The following AIM2 variants were observed in gnomAD, a reference collection of about 807,000 sequenced individuals.
AIM2 encodes interferon-inducible protein AIM2.
AIM2 carries 30 observed loss-of-function variants against 27.7 expected under a neutral mutation model. That is an observed-to-expected ratio of 1.08 (90% CI 0.81 to 1.47). AIM2 has a LOEUF of 1.47. AIM2 is among the 40% of genes most tolerant of loss of function. The pLI is 0.00. For synonymous variants in AIM2, 141 were observed against 145.3 expected (o/e 0.97, Z 0.21); for missense variants, 358 against 411.3 (o/e 0.87, Z 1.12).
At chr1:159,115,653 C>T (rs1469153569) in intron 1 of AIM2, among the ~76,000 whole-genome samples, 1 of 152,128 alleles carries the variant, frequency 6.6e-6, no homozygotes, top group Non-Finnish European at 1.5e-5. Context: ...GAAACTGGAT[C>T]CCTTCCTTAT....
At chr1:159,136,457 T>C (rs1031977540) in intron 1 of AIM2, among the ~76,000 whole-genome samples, 2 of 152,184 alleles carry the variant, frequency 1.3e-5, no homozygotes, top group Non-Finnish European at 2.9e-5. Context: ...TTCATACAAG[T>C]AAATAGCGAG....
chr1:159,109,219 C>A (rs1032124071), intron 1 of AIM2, among the ~76,000 whole-genome samples: 2 of 152,068 alleles, frequency 1.3e-5, no homozygotes, highest in Non-Finnish European at 2.9e-5. Context: ...GCACATAGAG[C>A]AATGGAACAG....
At chr1:159,073,138 A>C in intron 2 of AIM2, 100 bp downstream of exon 2, 1 of 1,455,826 alleles carries the variant, frequency 6.9e-7, no homozygotes, top group Non-Finnish European at 9.4e-7. Flanking sequence ...AACAAATTCC[A>C]ACAATGTGCA....
chr1:159,121,624 AC>A (rs1174262200), intron 1 of AIM2, among the ~76,000 whole-genome samples: 1 of 152,156 alleles, frequency 6.6e-6, no homozygotes, highest in Non-Finnish European at 1.5e-5. Flanking sequence ...TTAGGTAGAA[AC>A]CACTCTCTGA....
intron 1 of AIM2, among the ~76,000 whole-genome samples, chr1:159,132,742 A>G (rs1647922263): frequency 6.6e-6 from 1 of 152,192 alleles, no homozygotes; most frequent in African/African-American, 2.4e-5. Flanking sequence ...GACACCTATT[A>G]ATATATGTAT....
At chr1:159,120,928 A>G (rs1453228445) in intron 1 of AIM2, among the ~76,000 whole-genome samples, 2 of 152,214 alleles carry the variant, frequency 1.3e-5, no homozygotes, top group Non-Finnish European at 2.9e-5. Flanking sequence ...CTAGTCCAAT[A>G]ATTTGCTTCT....
chr1:159,080,829 G>A (rs1218789637), upstream of AIM2, among the ~76,000 whole-genome samples: 1 of 152,012 alleles, frequency 6.6e-6, no homozygotes, highest in East Asian at 1.9e-4. Flanking sequence ...TAAATCTTCA[G>A]ACTCTTGAAA....
upstream of AIM2, among the ~76,000 whole-genome samples, chr1:159,141,105 G>A (rs1217582507): frequency 1.3e-5 from 2 of 152,136 alleles, no homozygotes; most frequent in Non-Finnish European, 2.9e-5. Flanking sequence ...ATGAAAAAGT[G>A]TAGCTGACAG....
chr1:159,137,025 T>G (rs760496073), intron 1 of AIM2, among the ~76,000 whole-genome samples: 6 of 152,206 alleles, frequency 3.9e-5, no homozygotes, highest in Non-Finnish European at 8.8e-5. Flanking sequence ...ATTCTCTACC[T>G]GTCTATTCTA....
chr1:159,080,351 G>T (rs1429201779), upstream of AIM2, among the ~76,000 whole-genome samples: 1 of 152,176 alleles, frequency 6.6e-6, no homozygotes, highest in Non-Finnish European at 1.5e-5. Context: ...ACAGTTTTAA[G>T]AATAAGGAGA....
intron 1 of AIM2, among the ~76,000 whole-genome samples, chr1:159,088,715 G>A (rs1656978734): frequency 6.6e-6 from 1 of 152,064 alleles, no homozygotes; most frequent in Admixed American, 6.6e-5. Flanking sequence ...TTATGATGGG[G>A]TGGGGCTTGT....
intron 1 of AIM2, among the ~76,000 whole-genome samples, chr1:159,137,143 C>T (rs569503016): frequency 5.3e-5 from 8 of 152,336 alleles, no homozygotes; most frequent in African/African-American, 1.4e-4. Flanking sequence ...AAAGCCTCAC[C>T]TCCAAGCCTT....
chr1:159,082,315 T>C (rs1326207421), intron 1 of AIM2, among the ~76,000 whole-genome samples: 1 of 152,160 alleles, frequency 6.6e-6, no homozygotes, highest in Admixed American at 6.5e-5. Flanking sequence ...ATGTCTCAGT[T>C]TGTTTGGGCC....
chr1:159,060,016 C>T (rs1425909595), downstream of AIM2, among the ~76,000 whole-genome samples: 1 of 152,136 alleles, frequency 6.6e-6, no homozygotes, highest in Non-Finnish European at 1.5e-5. Context: ...AATCTGTCCT[C>T]ATAAACATTT....
At chr1:159,100,092 A>G (rs116324958) in intron 1 of AIM2, among the ~76,000 whole-genome samples, 10 of 152,350 alleles carry the variant, frequency 6.6e-5, no homozygotes, top group Non-Finnish European at 1.3e-4. Context: ...CATCATGCAA[A>G]GTAAACTTTC....
upstream of AIM2, among the ~76,000 whole-genome samples, chr1:159,140,748 A>G (rs1229799299): frequency 6.6e-6 from 1 of 152,170 alleles, no homozygotes; most frequent in Non-Finnish European, 1.5e-5. Context: ...CAAGCTCCCA[A>G]TCTGGCTAAA....
At chr1:159,095,871 AT>A (rs1557902881) in intron 1 of AIM2, among the ~76,000 whole-genome samples, 2 of 152,308 alleles carry the variant, frequency 1.3e-5, no homozygotes, top group East Asian at 3.9e-4. Context: ...ATGGATGTTC[AT>A]TTTTCATTTC....
chr1:159,128,401 T>G (rs1647778476), intron 1 of AIM2, among the ~76,000 whole-genome samples: 1 of 152,190 alleles, frequency 6.6e-6, no homozygotes, highest in Non-Finnish European at 1.5e-5. Flanking sequence ...AACTTCTATT[T>G]GCCTTTACTG....
At chr1:159,080,268 G>A (rs553871386), upstream of AIM2, among the ~76,000 whole-genome samples, 1 of 152,038 alleles carries the variant, frequency 6.6e-6, no homozygotes, top group South Asian at 2.1e-4. Flanking sequence ...ACCACTAATT[G>A]GTTTTTAATA....
Sources: gnomAD v4.1 joint callset for allele counts (sites outside exome capture counted in the v4.1 genomes callset) on GRCh38, gnomAD v4.1.1 for gene constraint, MANE v1.5 for transcripts, NCBI Gene and HGNC (gene_info 2026-07-23, HGNC 2026-07-21) for gene names.